PHYKPL: variants seen among roughly 807,000 people sequenced by gnomAD.
The protein encoded by PHYKPL is 5-phosphonooxy-L-lysine phospho-lyase.
A neutral mutation model predicts 51.3 loss-of-function variants in PHYKPL; 42 were observed. The observed-to-expected ratio is 0.82, with a 90% CI of 0.64 to 1.06. The LOEUF (loss-of-function observed/expected upper bound fraction) is 1.06, where lower values mean the gene tolerates loss of function less well. Ranked by LOEUF, PHYKPL falls within the 50% of genes least tolerant of loss-of-function variation. The pLI is 0.00. For synonymous variants in PHYKPL, 264 were observed against 236.0 expected, an observed-to-expected ratio of 1.12 and a Z score of -1.09; for missense variants, 655 against 586.6, an observed-to-expected ratio of 1.12 and a Z score of -1.20.
intron 4 of PHYKPL, 101 bp downstream of exon 4, chr5:178,225,254 C>T: frequency 7.2e-7 from 1 of 1,394,894 alleles, no homozygotes; most frequent in Non-Finnish European, 1.0e-6. Context: ...GCCCAGGCCC[C>T]TTATCCTCCC....
intron 6 of PHYKPL, chr5:178,223,241 A>G (rs533187968): frequency 2.4e-6 from 1 of 416,590 alleles, no homozygotes; most frequent in Non-Finnish European, 4.7e-6. Flanking sequence ...TCCTCCCTCA[A>G]CCCATCAGTC....
chr5:178,223,983 G>C (rs538632932), intron 6 of PHYKPL: 1 of 185,194 alleles, frequency 5.4e-6, no homozygotes, highest in Non-Finnish European at 1.1e-5. Context: ...AGGTCTTAGC[G>C]CTCTCCTGCT....
chr5:178,218,091 C>A (rs1311441178), intron 8 of PHYKPL, among the ~76,000 whole-genome samples: 2 of 113,622 alleles, frequency 1.8e-5, no homozygotes, highest in East Asian at 2.5e-4. Context: ...GTAGCGGGCG[C>A]CTGTAGTCCC....
intron 6 of PHYKPL, chr5:178,223,304 C>T: frequency 1.1e-5 from 5 of 451,416 alleles, no homozygotes; most frequent in South Asian, 6.4e-5. Flanking sequence ...ACTCCTTGCC[C>T]TCTGCCTGGA....
intron 3 of PHYKPL, chr5:178,228,216 G>C (rs975845119): frequency 1.5e-5 from 5 of 343,282 alleles, no homozygotes; most frequent in Non-Finnish European, 2.7e-5. Context: ...GGCTCAGAGA[G>C]AAAAGTGGCC....
At chr5:178,214,086 A>G (rs1759230593) in intron 10 of PHYKPL, among the ~76,000 whole-genome samples, 1 of 152,190 alleles carries the variant, frequency 6.6e-6, no homozygotes, top group South Asian at 2.1e-4. Context: ...GGAAAGGCCA[A>G]GTTCAAATAC....
chr5:178,209,114 G>A (rs574100275), intron 12 of PHYKPL, among the ~76,000 whole-genome samples, 199 bp from the exon 13 acceptor site: 1 of 152,230 alleles, frequency 6.6e-6, no homozygotes, highest in African/African-American at 2.4e-5. Flanking sequence ...CCCATCTCAA[G>A]TGCATTCTGT....
intron 3 of PHYKPL, chr5:178,228,159 G>A: frequency 4.8e-6 from 1 of 208,226 alleles, no homozygotes; most frequent in Non-Finnish European, 9.6e-6. Context: ...ACCAACACAT[G>A]GATGCTATGT....
chr5:178,215,509 T>G, intron 8 of PHYKPL, 79 bp from the exon 9 acceptor site: 1 of 1,496,732 alleles, frequency 6.7e-7, no homozygotes, highest in Non-Finnish European at 9.0e-7. Flanking sequence ...GCAGAAGAAC[T>G]GCCACACGTG....
intron 12 of PHYKPL, chr5:178,209,512 C>T: frequency 2.9e-6 from 4 of 1,388,044 alleles, no homozygotes; most frequent in South Asian, 1.2e-5. Flanking sequence ...CCAAGCCTGT[C>T]TTGGGGCTCC....
In PHYKPL at chr5:178,209,515, G is replaced by T. The variant is rs979004676; in HGVS notation, c.*32-600C>A. On this transcript the variant is annotated intron_variant, in intron 12 of 12. Coordinates refer to ENST00000308158, the MANE Select transcript of PHYKPL (RefSeq NM_153373.4). ...ACATGGAGCCTTCCAAGCCTGTCTT[G>T]GGGCTCCCTCTGGTGCTGTGCAGCA... 40 of 1,376,488 alleles carry T rather than the reference G, an allele frequency of 2.9e-5. No individual in the cohort carries two copies. The African/African-American group carries it at 4.5e-4, about 16-fold the overall frequency. The allele number at this position is 1,376,488 out of a possible 1,614,324, so 85.3% of individuals were successfully genotyped here. A position where few individuals can be genotyped will look rare whatever the true frequency, so the allele number is the denominator to read the frequency against.
intron 8 of PHYKPL, chr5:178,216,170 T>C (rs201784489): frequency 0.066 from 10,029 of 152,212 alleles, 592 homozygotes; most frequent in Admixed American, 0.2. Flanking sequence ...GACCCAGGCA[T>C]CCACTGATCT....
At chr5:178,225,846 C>T (rs1490417097) in intron 3 of PHYKPL, 1 of 202,760 alleles carries the variant, frequency 4.9e-6, no homozygotes, top group Non-Finnish European at 1.0e-5. Context: ...TCAATTCCAA[C>T]ACTATCTACC....
At chr5:178,224,843 C>G in intron 4 of PHYKPL, 114 bp from the exon 5 acceptor site, 1 of 762,752 alleles carries the variant, frequency 1.3e-6, no homozygotes, top group Non-Finnish European at 2.1e-6. Context: ...ACTTTCCTGA[C>G]AGAGCCCCCA....
intron 8 of PHYKPL, chr5:178,216,042 G>A (rs879411537): frequency 6.6e-6 from 1 of 152,168 alleles, no homozygotes; most frequent in African/African-American, 2.4e-5. Context: ...TATATAAACT[G>A]TGTTTAAAGT....
At chr5:178,219,685 C>A (rs566588721) in intron 8 of PHYKPL, among the ~76,000 whole-genome samples, 1 of 151,862 alleles carries the variant, frequency 6.6e-6, no homozygotes, top group African/African-American at 2.4e-5. Context: ...CTCCTGACCT[C>A]GTGATCTGCC....
In PHYKPL at chr5:178,215,316, C is replaced by T. The variant is rs200496449; in HGVS notation, c.1042G>A (p.Gly348Arg). ...SVGSFLMQLLGQQKIKHPIVG... is the reference protein window; with the variant it reads ...SVGSFLMQLLRQQKIKHPIVG... ...ATGGGATGTTTGATTTTTTGCTGCC[C>T]GAGGAGCTGCATCAGGAAGCTGCCT... The change falls in exon 9 of 13, where the codon GGG becomes AGG. Residue 348 changes from glycine to arginine, a missense_variant. By Grantham distance (125) the Gly-to-Arg change is moderately radical (BLOSUM62 -2). Transcript: ENST00000308158. 98 of 1,613,992 alleles carry T rather than the reference C, an allele frequency of 6.1e-5. 1 individual carries two copies. The South Asian group carries it at 6.3e-4, about 10-fold the overall frequency.
downstream of PHYKPL, chr5:178,207,330 C>T (rs1192017662): frequency 9.6e-6 from 13 of 1,360,556 alleles, 2 homozygotes. Context: ...CCAGGTTGGT[C>T]AGACTTTACT....
chr5:178,231,570 G>C, intron 1 of PHYKPL, 47 bp from the exon 2 acceptor site: 1 of 1,613,766 alleles, frequency 6.2e-7, no homozygotes, highest in Non-Finnish European at 8.5e-7. Context: ...AAGACCGAAA[G>C]GGTGAAGTCT....
Sources: gnomAD v4.1 joint callset for allele counts (sites outside exome capture counted in the v4.1 genomes callset) on GRCh38, gnomAD v4.1.1 for gene constraint, MANE v1.5 for transcripts, NCBI Gene and HGNC (gene_info 2026-07-23, HGNC 2026-07-21) for gene names.